CHODL: variants seen among roughly 807,000 people sequenced by gnomAD.
The protein encoded by CHODL is transmembrane protein MT75.
A neutral mutation model predicts 34.5 loss-of-function variants in CHODL; 29 were observed. The observed-to-expected ratio is 0.84, with a 90% CI of 0.63 to 1.15. The LOEUF (loss-of-function observed/expected upper bound fraction) is 1.15. Ranked by LOEUF, CHODL falls within the 50% of genes most tolerant of loss-of-function variation. The pLI, the probability that CHODL is intolerant of heterozygous loss-of-function variation, is 0.00. For synonymous variants in CHODL, 125 were observed against 116.1 expected (o/e 1.08, Z -0.49); for missense variants, 332 against 332.5 (o/e 1.00, Z 0.01).
intron 2 of CHODL, among the ~76,000 whole-genome samples, chr21:18,042,992 G>C (rs2064394658): frequency 6.6e-6 from 1 of 151,878 alleles, no homozygotes; most frequent in Non-Finnish European, 1.5e-5. Context: ...ACTTCTGAGT[G>C]AATGAATGAA....
Position 18,228,355 on chromosome 21 carries a change from G to GT in CHODL, c.-44-28146dup, listed in dbSNP as rs199882949. 6.6e-4 allele frequency among the ~76,000 whole-genome samples: 101 copies of GT among 152,000 alleles called. 1 individual carries two copies. The East Asian group carries it at 0.016, about 23-fold the overall frequency. On this transcript the variant is annotated intron_variant, in intron 2 of 6. Transcript: ENST00000400127. ...TCATGTAAATCGCTTTCTCTGTCATGTTTTTTTTCTTAATGTACATCTATA... is the reference window on the plus strand; with the variant it reads ...TCATGTAAATCGCTTTCTCTGTCATGTTTTTTTTTCTTAATGTACATCTATA...
intron 1 of CHODL, among the ~76,000 whole-genome samples, chr21:18,013,827 G>A (rs987439530): frequency 5.9e-5 from 9 of 151,406 alleles, no homozygotes; most frequent in African/African-American, 1.2e-4. Flanking sequence ...TAGAGATGGG[G>A]TTTCACCATA....
At chr21:18,091,477 A>G (rs1600990919) in intron 2 of CHODL, among the ~76,000 whole-genome samples, 1 of 152,200 alleles carries the variant, frequency 6.6e-6, no homozygotes, top group African/African-American at 2.4e-5. Flanking sequence ...TAAGGAGAGG[A>G]GAGCAAAGTG....
At chr21:18,245,763 G>A (rs1568953292) in intron 1 of CHODL, 1 of 660,544 alleles carries the variant, frequency 1.5e-6, no homozygotes, top group East Asian at 2.7e-5. Flanking sequence ...TCTGTGACCA[G>A]ATCAGTTCGC....
In CHODL at chr21:17,989,686, G is replaced by C. The variant is rs78566196; in HGVS notation, c.-144-38186G>C. ...TTAGAATCCAACCCCAGAGATTCTG[G>C]GACCTTTTCAGCTAATGATGAGCCG... is the stretch of plus-strand genomic sequence containing the variant. On this transcript the variant is annotated intron_variant, in intron 1 of 6. Coordinates refer to the CHODL transcript ENST00000400127. Among the ~76,000 whole-genome samples the C allele has an allele frequency of 7.8e-3, 1,184 of 152,182 alleles. 9 individuals are homozygous for C. The highest frequency in any genetic ancestry group is 0.027 in the African/African-American group (1,109 of 41,518).
chr21:18,229,549 G>A (rs893244349), intron 2 of CHODL, among the ~76,000 whole-genome samples: 4 of 152,130 alleles, frequency 2.6e-5, no homozygotes, highest in African/African-American at 9.7e-5. Flanking sequence ...TGTATGCCAT[G>A]TCCTATCTCA....
chr21:18,219,265 A>G (rs779849881), intron 2 of CHODL, among the ~76,000 whole-genome samples: 1 of 152,148 alleles, frequency 6.6e-6, no homozygotes, highest in Non-Finnish European at 1.5e-5. Context: ...GAAAGCAAAC[A>G]TGTCTTTCAC....
At chr21:18,207,191 A>G (rs551765469) in intron 2 of CHODL, among the ~76,000 whole-genome samples, 141 of 151,468 alleles carry the variant, frequency 9.3e-4, no homozygotes, top group African/African-American at 3.3e-3. Flanking sequence ...AGCTTCATCT[A>G]TGTCCCTGCA....
At chr21:17,990,402 A>G (rs2063787723) in intron 1 of CHODL, among the ~76,000 whole-genome samples, 2 of 152,036 alleles carry the variant, frequency 1.3e-5, no homozygotes, top group East Asian at 1.9e-4. Context: ...TTTCCTGTCA[A>G]TTCTGCCATA....
intron 2 of CHODL, among the ~76,000 whole-genome samples, chr21:18,123,991 T>C (rs2065512040): frequency 6.6e-6 from 1 of 152,118 alleles, no homozygotes; most frequent in Non-Finnish European, 1.5e-5. Flanking sequence ...GAGACCAGCC[T>C]GGCCAACGTG....
At chr21:18,036,038 A>G (rs1022004512) in intron 2 of CHODL, among the ~76,000 whole-genome samples, 5 of 152,028 alleles carry the variant, frequency 3.3e-5, no homozygotes, top group Non-Finnish European at 5.9e-5. Flanking sequence ...ATATTCCTAT[A>G]AGTATTCTTG....
chr21:17,919,642 A>G (rs1032470294), intron 1 of CHODL, among the ~76,000 whole-genome samples: 2 of 151,830 alleles, frequency 1.3e-5, no homozygotes, highest in Non-Finnish European at 2.9e-5. Context: ...CCCTGGAGAC[A>G]TTTTTCCCAC....
chr21:18,144,451 A>C (rs1033427386), intron 2 of CHODL, among the ~76,000 whole-genome samples: 1 of 152,138 alleles, frequency 6.6e-6, no homozygotes, highest in South Asian at 2.1e-4. Flanking sequence ...CCTCATTTAC[A>C]TGAAAGTTGG....
At chr21:17,968,154 G>A (rs2063587603) in intron 1 of CHODL, among the ~76,000 whole-genome samples, 1 of 152,162 alleles carries the variant, frequency 6.6e-6, no homozygotes, top group Non-Finnish European at 1.5e-5. Context: ...TTTGGCAACT[G>A]TGTGTCTTGG....
At chr21:18,253,713 C>A (rs1172370195) in intron 1 of CHODL, among the ~76,000 whole-genome samples, 1 of 152,114 alleles carries the variant, frequency 6.6e-6, no homozygotes, top group African/African-American at 2.4e-5. Flanking sequence ...ATGATCATCT[C>A]TCAAAGAATA....
intron 2 of CHODL, among the ~76,000 whole-genome samples, chr21:18,138,285 A>G (rs1260471329): frequency 6.6e-6 from 1 of 152,080 alleles, no homozygotes; most frequent in Non-Finnish European, 1.5e-5. Context: ...AAAATTGGGG[A>G]AAATTTCAAT....
At chr21:18,047,827 A>T (rs553966797) in intron 2 of CHODL, among the ~76,000 whole-genome samples, 1 of 152,074 alleles carries the variant, frequency 6.6e-6, no homozygotes, top group African/African-American at 2.4e-5. Flanking sequence ...GACCTAAAGC[A>T]CTTTGGCAGA....
chr21:18,150,520 G>A (rs1197328206), intron 2 of CHODL, among the ~76,000 whole-genome samples: 1 of 152,060 alleles, frequency 6.6e-6, no homozygotes, highest in Non-Finnish European at 1.5e-5. Context: ...TCTGCTGATG[G>A]GCCTTTTCCG....
At chr21:17,917,562 G>A (rs917606818) in intron 1 of CHODL, among the ~76,000 whole-genome samples, 1 of 151,432 alleles carries the variant, frequency 6.6e-6, no homozygotes, top group African/African-American at 2.4e-5. Context: ...GGGACACTTG[G>A]AAGAGATTCA....
Sources: allele counts gnomAD v4.1 joint callset (sites outside exome capture counted in the v4.1 genomes callset), GRCh38; gene constraint gnomAD v4.1.1; transcripts MANE v1.5; gene names NCBI Gene and HGNC (gene_info 2026-07-23, HGNC 2026-07-21).